Variants in POLG observed in about 807,000 individuals in gnomAD.
POLG encodes the protein DNA polymerase gamma, catalytic subunit, also known as DNA polymerase subunit gamma-1.
Under a neutral mutation model 155.4 loss-of-function variants are expected in POLG, and 110 were observed. The ratio of observed to expected loss-of-function variants is 0.71; its 90% confidence interval spans 0.61 to 0.83. POLG has a LOEUF of 0.83. Ranked by LOEUF, POLG falls within the 40% of genes least tolerant of loss-of-function variation. The pLI, the probability that POLG is intolerant of heterozygous loss-of-function variation, is 0.00. For missense variants in POLG, 1,685 were observed against 1,627.5 expected (o/e 1.04, Z -0.61); for synonymous variants, 701 against 631.5 (o/e 1.11, Z -1.65).
intron 9 of POLG, 76 bp from the exon 10 acceptor site, chr15:89,325,762 T>C: frequency 7.9e-6 from 9 of 1,140,712 alleles, no homozygotes; most frequent in Non-Finnish European, 1.1e-5. Context: ...TCTCTCACAA[T>C]GTCCCCACCC....
Position 89,316,530 on chromosome 15 carries a change from TTGTCC to T in POLG, c.*216_*220del. 1 of 1,468,324 alleles carries T rather than the reference TTGTCC, an allele frequency of 6.8e-7. No individual in the cohort carries two copies. The highest frequency in any genetic ancestry group is 1.2e-5 in the South Asian group (1 of 83,914). 91.0% of individuals were successfully genotyped at this position (1,468,324 alleles called of 1,614,324 possible). A position where few individuals can be genotyped will look rare whatever the true frequency, so the allele number is the denominator to read the frequency against. On this transcript the variant is annotated 3_prime_UTR_variant, in exon 23 of 23. Transcript: ENST00000268124. Reference sequence around the variant, plus strand: ...TTTACCCAACAAGCAACAATGCCCCTTGTCCTGTAGTCCACACCGATGTTGGCATC... The same window carrying T: ...TTTACCCAACAAGCAACAATGCCCCTTGTAGTCCACACCGATGTTGGCATC...
Position 89,316,430 on chromosome 15 carries a change from G to C in POLG, c.*321C>G. On this transcript the variant is annotated 3_prime_UTR_variant, in exon 23 of 23. Coordinates refer to ENST00000268124, the MANE Select transcript of POLG (RefSeq NM_002693.3). ...ATCAGAGCATGGGGGACAGAACAAA[G>C]AACCAGCCAAGAAGAAAAGGAAAAA... 6.2e-7 allele frequency: 1 copy of C among 1,611,764 alleles called. No homozygotes were observed.
At chr15:89,325,378 A>G in intron 10 of POLG, 72 bp downstream of exon 10, 1 of 1,071,240 alleles carries the variant, frequency 9.3e-7, no homozygotes, top group South Asian at 1.3e-5. Context: ...TCTTTCCACT[A>G]GCCTGAGCTG....
At position 89,328,941 on chromosome 15, in the gene POLG, A is replaced by G; in HGVS notation, c.1023+2T>C. ...TCCTGCCCACCGGCAGTGTGCTCTCACCGCTGGGCCTCTTCTGGCTTTCCT... is the reference window on the plus strand; with the variant it reads ...TCCTGCCCACCGGCAGTGTGCTCTCGCCGCTGGGCCTCTTCTGGCTTTCCT... On this transcript the variant is annotated splice_donor_variant, in intron 4 of 22. Coordinates refer to ENST00000268124, the MANE Select transcript of POLG (RefSeq NM_002693.3). LOFTEE classifies it high-confidence loss of function. 6.2e-7 allele frequency: 1 copy of G among 1,613,994 alleles called. No individual in the cohort carries two copies. The highest frequency in any genetic ancestry group is 8.5e-7 in the Non-Finnish European group (1 of 1,180,002).
At position 89,333,472 on chromosome 15, in the gene POLG, G is replaced by T; in HGVS notation, c.283C>A (p.Pro95Thr). 1 of 1,612,084 alleles carries T rather than the reference G, an allele frequency of 6.2e-7. No individual in the cohort carries two copies. Among genetic ancestry groups the T allele is most frequent in the African/African-American group, 1.3e-5 (1 of 75,046 alleles). ...EQIFGQGGEMPGEAAVRRSVE... is the reference protein window; with the variant it reads ...EQIFGQGGEMTGEAAVRRSVE... ...CTGCGGCGCACCGCGGCCTCGCCAGGCATCTCCCCTCCTTGCCCGAAGATT... is the reference window on the plus strand; with the variant it reads ...CTGCGGCGCACCGCGGCCTCGCCAGTCATCTCCCCTCCTTGCCCGAAGATT... The change falls in exon 2 of 23, where the codon CCT becomes ACT. Residue 95 changes from proline (P) to threonine (T), a missense_variant. Around this residue, in one of 3 missense-constraint regions of POLG, gnomAD observed 1,210 missense variants for 1,167.1 expected, o/e 1.04. Transcript: ENST00000268124.
At position 89,333,596 on chromosome 15, in the gene POLG, TTGCTGCTGCTGCTGCTGCTGCTGC is replaced by T. The variant is rs41550117; in HGVS notation, c.135_158del (p.Gln48_Gln55del). ...GCACTTGCGGCTGCTGAGGCTGCTG[TTGCTGCTGCTGCTGCTGCTGCTGC>T]TGCTGCTGCCGCCGCCGCTGCCCGT... On this transcript the variant is annotated inframe_deletion, in exon 2 of 23. Coordinates refer to ENST00000268124, the MANE Select transcript of POLG (RefSeq NM_002693.3). 15 of 1,598,000 alleles carry T rather than the reference TTGCTGCTGCTGCTGCTGCTGCTGC, an allele frequency of 9.4e-6. No individual in the cohort carries two copies. Among genetic ancestry groups the T allele is most frequent in the South Asian group, 3.3e-5 (3 of 90,096 alleles).
At position 89,328,926 on chromosome 15, in the gene POLG, C is replaced by G. The variant is rs778750911; in HGVS notation, c.1023+17G>C. 1 of 1,614,134 alleles carries G rather than the reference C, an allele frequency of 6.2e-7. No individual in the cohort carries two copies. Among genetic ancestry groups the G allele is most frequent in the Non-Finnish European group, 8.5e-7 (1 of 1,180,032 alleles). On this transcript the variant is annotated intron_variant, in intron 4 of 22. Coordinates refer to ENST00000268124, the MANE Select transcript of POLG (RefSeq NM_002693.3). ...TCCCAAGCACTATGCTCCTGCCCACCGGCAGTGTGCTCTCACCGCTGGGCC... is the reference window on the plus strand; with the variant it reads ...TCCCAAGCACTATGCTCCTGCCCACGGGCAGTGTGCTCTCACCGCTGGGCC...
chr15:89,330,028 G>A (rs2055573527), intron 3 of POLG, 53 bp downstream of exon 3: 4 of 1,456,844 alleles, frequency 2.7e-6, no homozygotes, highest in Non-Finnish European at 1.9e-6. Flanking sequence ...ACTGAGATTA[G>A]GGCTCCTGGC....
rs1555453351 is a variant in POLG, at chr15:89,325,211, T to TGA, written c.1949+237_1949+238dup. Among the ~76,000 whole-genome samples, 69 of 38,330 alleles carry TGA rather than the reference T, an allele frequency of 1.8e-3. 12 individuals are homozygous for TGA. Among genetic ancestry groups the TGA allele is most frequent in the African/African-American group, 8.0e-3 (60 of 7,496 alleles). The allele number at this position is 38,330 out of a possible 152,430, so 25.1% of individuals were successfully genotyped here. ...GTGAGTGAGAGAGTGAGTGAGAGAG[T>TGA]GAGTGAGTGAGAGAGTGAGTGAGAG... On this transcript the variant is annotated intron_variant, in intron 10 of 22. Transcript: ENST00000268124.
chr15:89,328,314 C>G, intron 6 of POLG, 142 bp downstream of exon 6: 1 of 721,130 alleles, frequency 1.4e-6, no homozygotes, highest in Non-Finnish European at 2.5e-6. Context: ...ATGGACACCA[C>G]TGAACAGAAG....
intron 8 of POLG, 40 bp downstream of exon 8, chr15:89,326,872 C>T (rs2055527729): frequency 6.2e-7 from 1 of 1,612,878 alleles, no homozygotes; most frequent in Admixed American, 1.7e-5. Flanking sequence ...TTCCCAGAGA[C>T]AACCCCTACC....
chr15:89,318,636 G>A lies in POLG; in HGVS notation c.3387C>T (p.Phe1129=). Residue 1129 remains phenylalanine, a synonymous_variant, in exon 21 of 23, where the codon TTC becomes TTT. Transcript: ENST00000268124. The part of the protein sequence containing the change: ...LFEEFAIDGR[F]CISIHDEVRY... ...GAACCTCGTCATGGATGCTGATGCA[G>A]AAGCGCCCATCTATGGCAAACTCTT... 2 of 1,614,188 alleles carry A rather than the reference G, an allele frequency of 1.2e-6. No individual in the cohort carries two copies. The highest frequency in any genetic ancestry group is 1.7e-6 in the Non-Finnish European group (2 of 1,180,002).
chr15:89,325,578 C>A lies in POLG; in HGVS notation c.1821G>T (p.Trp607Cys). Residue 607 changes from tryptophan to cysteine, a missense_variant, in exon 10 of 23, where the codon TGG becomes TGT. Physicochemically the swap from Trp to Cys is radical, Grantham distance 215. Around this residue, in one of 3 missense-constraint regions of POLG, gnomAD observed 1,210 missense variants for 1,167.1 expected, o/e 1.04. Coordinates refer to ENST00000268124, the MANE Select transcript of POLG (RefSeq NM_002693.3). ...CTGAGTAGTGCAGAGGGAAGCCATC[C>A]CAGGTAAGTGCCATGAGTTTAGGTG... ...RVTPKLMALT[W>C]DGFPLHYSER... 1 of 1,613,748 alleles carries A rather than the reference C, an allele frequency of 6.2e-7. No homozygotes were observed. Among genetic ancestry groups the A allele is most frequent in the Non-Finnish European group, 8.5e-7 (1 of 1,180,006 alleles).
intron 9 of POLG, 115 bp from the exon 10 acceptor site, chr15:89,325,801 G>A (rs1180666717): frequency 3.5e-6 from 3 of 864,304 alleles, no homozygotes; most frequent in East Asian, 4.8e-5. Flanking sequence ...GCTTTCTGGT[G>A]ACCCCAGCCT....
intron 6 of POLG, among the ~76,000 whole-genome samples, chr15:89,328,037 A>G (rs550234815): frequency 6.7e-6 from 1 of 149,988 alleles, no homozygotes; most frequent in Admixed American, 6.6e-5. Flanking sequence ...TTAAGCTCTG[A>G]GGGAGTCAAA....
Position 89,321,848 on chromosome 15 carries a change from G to C in POLG, c.2486C>G (p.Pro829Arg), listed in dbSNP as rs1188654470. 1 of 1,613,616 alleles carries C rather than the reference G, an allele frequency of 6.2e-7. No individual in the cohort carries two copies. Among genetic ancestry groups the C allele is most frequent in the Non-Finnish European group, 8.5e-7 (1 of 1,179,658 alleles). Residue 829 changes from proline to arginine, a missense_variant, in exon 16 of 23, where the codon CCC becomes CGC. Pro to Arg is a moderately radical substitution (Grantham distance 103). Around this residue, in one of 3 missense-constraint regions of POLG, gnomAD observed 1,210 missense variants for 1,167.1 expected, o/e 1.04. Transcript: ENST00000268124. ...SALPRAVIRH[P>R]DYDEEGLYGA... ...ATAGAGGCCTTCCTCATCATAGTCG[G>C]GGTGCCTGGTGGGGTGCAGGGGAAG...
chr15:89,326,083 T>C lies in POLG; in HGVS notation c.1713-397A>G, dbSNP rs980790259. ...CTCTCTTGCAGGCTGTTCACCAGAG[T>C]TGAGCCCAGGGTGAGACTAGCAAGG... On this transcript the variant is annotated intron_variant, in intron 9 of 22. Coordinates refer to ENST00000268124, the MANE Select transcript of POLG (RefSeq NM_002693.3). Among the ~76,000 whole-genome samples, 24 of 152,072 alleles carry C rather than the reference T, an allele frequency of 1.6e-4. 1 individual carries two copies. Among genetic ancestry groups the C allele is most frequent in the Admixed American group, 1.4e-3 (21 of 15,270 alleles).
intron 10 of POLG, among the ~76,000 whole-genome samples, chr15:89,325,077 T>A (rs12903562): frequency 0.018 from 1,274 of 72,426 alleles, 130 homozygotes; most frequent in African/African-American, 0.059. Flanking sequence ...AGTGAGTGAG[T>A]GAGTGAGAGA....
At position 89,322,009 on chromosome 15, in the gene POLG, C is replaced by G; in HGVS notation, c.2433G>C (p.Gln811His). 3 of 1,614,160 alleles carry G rather than the reference C, an allele frequency of 1.9e-6. No homozygotes were observed. The highest frequency in any genetic ancestry group is 2.5e-6 in the Non-Finnish European group (3 of 1,179,980). The change falls in exon 15 of 23, where the codon CAG becomes CAC. Residue 811 changes from glutamine (Q) to histidine (H), a missense_variant. Physicochemically the swap from Gln to His is conservative, Grantham distance 24. Transcript: ENST00000268124. ...CTGACCTGGGCAGCCACACCACCAT[C>G]TGGGAGCTGTGGGGACAGACAACGT... ...WRNAHKRISS[Q>H]MVVWLPRSAL... is the part of the protein sequence containing the mutation.
Sources: gnomAD v4.1 joint callset for allele counts (sites outside exome capture counted in the v4.1 genomes callset) on GRCh38, gnomAD v4.1.1 for gene constraint, gnomAD v4.1.1 regional missense constraint, MANE v1.5 for transcripts, NCBI Gene and HGNC (gene_info 2026-07-23, HGNC 2026-07-21) for gene names.